Variants in CUX1 observed in about 807,000 individuals in gnomAD.
CUX1 encodes cut like homeobox 1.
CUX1 carries 31 observed loss-of-function variants against 158.8 expected under a neutral mutation model. That is an observed-to-expected ratio of 0.20 (90% CI 0.15 to 0.26). CUX1 has a LOEUF of 0.26. Among genes scored for constraint, CUX1 ranks in the 10% least tolerant of loss-of-function variants. CUX1 has a pLI of 1.00. For missense variants in CUX1, 1,589 were observed against 2,014.6 expected (o/e 0.79, Z 4.04); for synonymous variants, 879 against 862.1 (o/e 1.02, Z -0.34).
Position 102,201,422 on chromosome 7 carries a change from A to G in CUX1, c.2125A>G (p.Ile709Val), listed in dbSNP as rs782220983. 1.2e-6 allele frequency: 2 copies of G among 1,614,026 alleles called. No individual in the cohort carries two copies. The highest frequency in any genetic ancestry group is 1.7e-5 in the Admixed American group (1 of 60,008). Residue 709 changes from isoleucine to valine, a missense_variant, in exon 18 of 24, where the codon ATC (isoleucine) becomes GTC (valine). Physicochemically the swap from Ile to Val is conservative, Grantham distance 29 (BLOSUM62 3). Coordinates refer to ENST00000292535, the MANE Select transcript of CUX1 (RefSeq NM_181552.4). The surrounding 1 kb of genome is among the most constrained non-coding windows in gnomAD (Gnocchi z 5.0). ...SGNSDDAIRS[I>V]LQQARREMEA... ...GAACTCTGATGACGCCATCCGCTCC[A>G]TCCTGCAGCAAGCCCGCCGGGAGAT...
rs369755543 is a variant in CUX1, at chr7:102,222,559, A to G, written c.3131-4808A>G. 1.6e-4 allele frequency among the ~76,000 whole-genome samples: 25 copies of G among 152,178 alleles called. 1 individual carries two copies. In the East Asian group the frequency reaches 4.1e-3, roughly 25 times the overall value. ...GCTCGCTGCTCCATTCACGCCTGGT[A>G]TGAAATGTGTTTTGGTTCCCTTCCA... On this transcript the variant is annotated intron_variant, in intron 20 of 23. Transcript: ENST00000292535.
At position 102,249,870 on chromosome 7, in the gene CUX1, CA is replaced by C; in HGVS notation, c.*833del. Reference sequence around the variant, plus strand: ...CACATTTACTCCACATATTTTTTAACAAAAAGAAAACGTCACATCAGGAAAC... The same window carrying C: ...CACATTTACTCCACATATTTTTTAACAAAAGAAAACGTCACATCAGGAAAC... On this transcript the variant is annotated 3_prime_UTR_variant, in exon 24 of 24. Transcript: ENST00000292535. 2 of 985,602 alleles carry C rather than the reference CA, an allele frequency of 2.0e-6. No homozygotes were observed. Among genetic ancestry groups the C allele is most frequent in the Non-Finnish European group, 2.4e-6 (2 of 829,848 alleles). 61.1% of individuals were successfully genotyped at this position (985,602 alleles called of 1,614,324 possible).
chr7:101,823,612 T>A (rs1792929455), intron 1 of CUX1, among the ~76,000 whole-genome samples: 2 of 152,238 alleles, frequency 1.3e-5, no homozygotes, highest in African/African-American at 4.8e-5. Context: ...TTGTTCTTTC[T>A]TGGGGTTACT....
chr7:101,982,588 G>T (rs889932492), intron 2 of CUX1, among the ~76,000 whole-genome samples: 1 of 151,940 alleles, frequency 6.6e-6, no homozygotes, highest in Admixed American at 6.6e-5. Flanking sequence ...CACCATGCCC[G>T]GCTAATTTTT....
rs577139473 is a variant in CUX1 at position 102,204,687 on chromosome 7, A to C, written c.3073+131A>C. 263 of 1,196,858 alleles carry C rather than the reference A, an allele frequency of 2.2e-4. 4 individuals carry two copies. In the South Asian group the frequency reaches 2.9e-3, roughly 13 times the overall value. 74.1% of individuals were successfully genotyped at this position (1,196,858 alleles called of 1,614,324 possible). A position where few individuals can be genotyped will look rare whatever the true frequency, so the allele number is the denominator to read the frequency against. On this transcript the variant is annotated intron_variant, in intron 19 of 23. Coordinates refer to ENST00000292535, the MANE Select transcript of CUX1 (RefSeq NM_181552.4). The stretch of plus-strand genomic sequence containing the variant: ...CAGGAGGTGGCCAACCACACTCCCC[A>C]CCGTGGGCTGGTGCTGGGGGACAGA...
intron 2 of CUX1, among the ~76,000 whole-genome samples, chr7:101,950,073 C>T (rs186374147): frequency 2.0e-5 from 3 of 152,114 alleles, no homozygotes; most frequent in South Asian, 2.1e-4. Context: ...AATGCTGGCG[C>T]GATCTCAGCT....
rs1489953860 is a variant in CUX1, at chr7:102,251,661, C to T, written c.*2619C>T. ...TGCATTGAGAAGAGTGAGTTCACAT[C>T]GGTGACCCTTAGGACAGTGAGTGGC... On this transcript the variant is annotated 3_prime_UTR_variant, in exon 24 of 24. Coordinates refer to ENST00000292535, the MANE Select transcript of CUX1 (RefSeq NM_181552.4). 2 of 985,264 alleles carry T rather than the reference C, an allele frequency of 2.0e-6. No homozygotes were observed. The highest frequency in any genetic ancestry group is 1.7e-5 in the African/African-American group (1 of 57,208). The allele number at this position is 985,264 out of a possible 1,614,324, so 61.0% of individuals were successfully genotyped here.
Position 102,252,923 on chromosome 7 carries a change from G to C in CUX1, c.*3881G>C. ...AGCTTCTAAGCGTCTCCTGGGACAG[G>C]ATTGGGGTGACAGCCCAGGGATGCA... On this transcript the variant is annotated 3_prime_UTR_variant, in exon 24 of 24. Transcript: ENST00000292535. 1.0e-6 allele frequency: 1 copy of C among 985,470 alleles called. No homozygotes were observed. The highest frequency in any genetic ancestry group is 1.2e-6 in the Non-Finnish European group (1 of 829,940). The allele number at this position is 985,470 out of a possible 1,614,324, so 61.0% of individuals were successfully genotyped here.
Position 102,210,638 on chromosome 7 carries a change from C to A in CUX1, c.3130+5468C>A, listed in dbSNP as rs200115547. Reference sequence around the variant, plus strand: ...TGGAAGGATGGTCCCCTGCCCTTGGCTGAATCGTGAAATACCCAGCTCTTT... The same window carrying A: ...TGGAAGGATGGTCCCCTGCCCTTGGATGAATCGTGAAATACCCAGCTCTTT... On this transcript the variant is annotated intron_variant, in intron 20 of 23. Transcript: ENST00000292535. Among the ~76,000 whole-genome samples, 3 of 152,218 alleles carry A rather than the reference C, an allele frequency of 2.0e-5. No individual in the cohort carries two copies. The East Asian group carries it at 5.8e-4, about 29-fold the overall frequency.
At chr7:102,184,028 G>T (rs1446546656) in intron 11 of CUX1, among the ~76,000 whole-genome samples, 2 of 152,044 alleles carry the variant, frequency 1.3e-5, no homozygotes, top group Non-Finnish European at 2.9e-5. Flanking sequence ...CTCCCAAGTA[G>T]TCGGGACTAC....
At chr7:101,943,519 C>G (rs534934420) in intron 2 of CUX1, among the ~76,000 whole-genome samples, 1 of 152,090 alleles carries the variant, frequency 6.6e-6, no homozygotes, top group African/African-American at 2.4e-5. Context: ...CTTTCAGCGT[C>G]TTTGGTGCAG....
chr7:102,193,954 T>G, intron 13 of CUX1, 64 bp downstream of exon 13: 1 of 1,472,772 alleles, frequency 6.8e-7, no homozygotes, highest in Non-Finnish European at 9.5e-7. Flanking sequence ...CACTGGTCCC[T>G]CCGGCATATC....
intron 2 of CUX1, among the ~76,000 whole-genome samples, chr7:102,016,969 C>T (rs1818671945): frequency 6.6e-6 from 1 of 152,116 alleles, no homozygotes; most frequent in Non-Finnish European, 1.5e-5. Flanking sequence ...GGGGTCCATC[C>T]CTGTCTAGCA....
exon 23 of CUX1, chr7:102,283,227 C>T (rs1253000941): frequency 2.8e-6 from 2 of 721,810 alleles, no homozygotes; most frequent in Non-Finnish European, 5.0e-6. Context: ...GCCAGAGGCC[C>T]CAGGTCACCT....
chr7:102,256,130 G>C lies in CUX1; in HGVS notation c.*7088G>C. The C allele has an allele frequency of 3.0e-6, 3 of 985,396 alleles. No individual in the cohort carries two copies. Among genetic ancestry groups the C allele is most frequent in the Non-Finnish European group, 3.6e-6 (3 of 829,926 alleles). 61.0% of individuals were successfully genotyped at this position (985,396 alleles called of 1,614,324 possible). On this transcript the variant is annotated 3_prime_UTR_variant, in exon 24 of 24. Coordinates refer to ENST00000292535, the MANE Select transcript of CUX1 (RefSeq NM_181552.4). ...GGGCGTGCAGGGCCCGCGGGCTCTG[G>C]CCGGAGCCGCTGGCCTGACGAGGCA... is the stretch of plus-strand genomic sequence containing the variant.
chr7:102,004,156 CAG>C (rs1817044857), intron 2 of CUX1, among the ~76,000 whole-genome samples: 1 of 152,206 alleles, frequency 6.6e-6, no homozygotes, highest in Non-Finnish European at 1.5e-5. Flanking sequence ...GGCTGAAAGA[CAG>C]GGCTTTGATA....
chr7:102,164,168 A>G (rs908448086), intron 9 of CUX1, among the ~76,000 whole-genome samples: 3 of 152,152 alleles, frequency 2.0e-5, no homozygotes, highest in South Asian at 2.1e-4. Flanking sequence ...TTTGTGGTGA[A>G]AAAAAGTGGC....
At chr7:102,239,658 C>T (rs1378353033) in intron 23 of CUX1, 74 bp downstream of exon 23, 15 of 1,524,126 alleles carry the variant, frequency 9.8e-6, no homozygotes, top group Middle Eastern at 2.0e-4. Flanking sequence ...GCCGCCATGG[C>T]GCACAGGGGT....
intron 17 of CUX1, among the ~76,000 whole-genome samples, chr7:102,276,626 A>G (rs1303562308): frequency 2.0e-5 from 3 of 152,190 alleles, no homozygotes; most frequent in Non-Finnish European, 4.4e-5. Context: ...AATAGTGTGA[A>G]AGAAACACTT....
Sources: gnomAD v4.1 joint callset for allele counts (sites outside exome capture counted in the v4.1 genomes callset) on GRCh38, gnomAD v4.1.1 for gene constraint, Gnocchi (gnomAD v3.1) non-coding constraint, MANE v1.5 for transcripts, NCBI Gene and HGNC (gene_info 2026-07-23, HGNC 2026-07-21) for gene names.